The following XRCC4 variants were observed in gnomAD, a reference collection of about 807,000 sequenced individuals.
XRCC4 encodes the protein DNA repair protein XRCC4.
A neutral mutation model predicts 39.1 loss-of-function variants in XRCC4; 28 were observed. That is an observed-to-expected ratio of 0.72 (90% CI 0.53 to 0.98). The LOEUF (loss-of-function observed/expected upper bound fraction) is 0.98. XRCC4 is among the 50% of genes least tolerant of loss of function. The pLI, the probability that XRCC4 is intolerant of heterozygous loss-of-function variation, is 0.00. For missense variants in XRCC4, 350 were observed against 376.4 expected, an observed-to-expected ratio of 0.93 and a Z score of 0.58; for synonymous variants, 123 against 126.4, an observed-to-expected ratio of 0.97 and a Z score of 0.18.
chr5:83,258,391 A>C (rs775038063), intron 6 of XRCC4, 139 bp from the exon 7 acceptor site: 13 of 1,050,480 alleles, frequency 1.2e-5, no homozygotes, highest in Non-Finnish European at 1.6e-5. Flanking sequence ...TTGATTCAAC[A>C]AATCTGCATA....
intron 7 of XRCC4, among the ~76,000 whole-genome samples, chr5:83,261,720 C>A (rs186751329): frequency 6.6e-6 from 1 of 151,060 alleles, no homozygotes; most frequent in East Asian, 1.9e-4. Context: ...TGTAAGATCC[C>A]TCTCAATATT....
At chr5:83,093,973 T>G in intron 1 of XRCC4, among the ~76,000 whole-genome samples, 1 of 152,202 alleles carries the variant, frequency 6.6e-6, no homozygotes, top group East Asian at 2.0e-4. Flanking sequence ...AAGAAGTTTA[T>G]TGTTATTTTT....
chr5:83,336,616 G>T (rs1199025109), intron 7 of XRCC4, among the ~76,000 whole-genome samples: 1 of 152,108 alleles, frequency 6.6e-6, no homozygotes, highest in Non-Finnish European at 1.5e-5. Flanking sequence ...AGATATAAGA[G>T]ATTTAAATTG....
chr5:83,298,933 A>T (rs1755183145), intron 7 of XRCC4, among the ~76,000 whole-genome samples: 1 of 151,946 alleles, frequency 6.6e-6, no homozygotes, highest in Non-Finnish European at 1.5e-5. Context: ...AGTTTAATTA[A>T]TTCTGTCTGT....
intron 2 of XRCC4, among the ~76,000 whole-genome samples, chr5:83,108,433 C>T (rs747066790): frequency 3.3e-5 from 5 of 151,454 alleles, no homozygotes; most frequent in South Asian, 4.2e-4. Flanking sequence ...TTAAATATTC[C>T]GTAATAATCA....
At chr5:83,163,445 A>G (rs1237253775) in intron 3 of XRCC4, among the ~76,000 whole-genome samples, 3 of 152,228 alleles carry the variant, frequency 2.0e-5, no homozygotes, top group Non-Finnish European at 4.4e-5. Context: ...TTAGGAATTG[A>G]GCTTCATTAA....
chr5:83,101,370 T>C (rs1745927713), intron 1 of XRCC4, among the ~76,000 whole-genome samples: 1 of 152,106 alleles, frequency 6.6e-6, no homozygotes. Flanking sequence ...AACTAAGTAA[T>C]ATGTGTCATT....
intron 7 of XRCC4, among the ~76,000 whole-genome samples, chr5:83,281,242 C>A (rs763038181): frequency 2.0e-5 from 3 of 152,116 alleles, no homozygotes; most frequent in Non-Finnish European, 4.4e-5. Flanking sequence ...GATTTAAGCC[C>A]TTCTTACATA....
chr5:83,156,589 C>T (rs72767156), intron 3 of XRCC4, among the ~76,000 whole-genome samples: 10 of 151,874 alleles, frequency 6.6e-5, no homozygotes, highest in African/African-American at 9.7e-5. Context: ...CCTTCTTGGC[C>T]GAAGAGTACA....
intron 2 of XRCC4, 43 bp from the exon 3 acceptor site, chr5:83,110,985 C>T (rs753228236): frequency 1.3e-6 from 2 of 1,550,012 alleles, no homozygotes; most frequent in Non-Finnish European, 1.7e-6. Context: ...CATGTGTAGT[C>T]ATTTACTTTT....
intron 3 of XRCC4, among the ~76,000 whole-genome samples, chr5:83,135,048 A>G (rs1039250472): frequency 3.9e-5 from 6 of 152,214 alleles, no homozygotes; most frequent in African/African-American, 4.8e-5. Flanking sequence ...GAGGGTCCGC[A>G]GCTTCATTCT....
At chr5:83,225,862 T>C (rs1752267868) in intron 6 of XRCC4, among the ~76,000 whole-genome samples, 1 of 151,778 alleles carries the variant, frequency 6.6e-6, no homozygotes, top group South Asian at 2.1e-4. Flanking sequence ...GTCTAGGCCC[T>C]GGAAATGTTT....
chr5:83,208,675 G>GA (rs1163641235), intron 6 of XRCC4, among the ~76,000 whole-genome samples: 4 of 151,904 alleles, frequency 2.6e-5, no homozygotes, highest in Non-Finnish European at 5.9e-5. Context: ...GATGTAGCAT[G>GA]AAAAACCTCA....
At chr5:83,155,218 CTCATA>C (rs1314900752) in intron 3 of XRCC4, among the ~76,000 whole-genome samples, 30 of 152,158 alleles carry the variant, frequency 2.0e-4, no homozygotes, top group African/African-American at 6.8e-4. Flanking sequence ...TAGAAATACA[CTCATA>C]TCATGAGTGT....
At chr5:83,196,945 GCTGA>G (rs1031141787) in intron 4 of XRCC4, among the ~76,000 whole-genome samples, 2 of 151,552 alleles carry the variant, frequency 1.3e-5, no homozygotes, top group Non-Finnish European at 2.9e-5. Flanking sequence ...TGAAAATGAG[GCTGA>G]CTAAAAGATT....
intron 6 of XRCC4, among the ~76,000 whole-genome samples, chr5:83,221,559 T>C (rs1752083541): frequency 6.6e-6 from 1 of 152,054 alleles, no homozygotes; most frequent in East Asian, 1.9e-4. Flanking sequence ...ATGCCTTCAT[T>C]TTAATAAAAT....
chr5:83,187,689 A>G (rs901251538), intron 3 of XRCC4, among the ~76,000 whole-genome samples: 2 of 152,330 alleles, frequency 1.3e-5, no homozygotes, highest in African/African-American at 4.8e-5. Flanking sequence ...ATAGATCAAC[A>G]TTAATCTACA....
chr5:83,323,226 A>C (rs543486964), intron 7 of XRCC4, among the ~76,000 whole-genome samples: 191 of 152,248 alleles, frequency 1.3e-3, no homozygotes, highest in Non-Finnish European at 2.3e-3. Context: ...TTTGAAATGC[A>C]CAGTTTAAAT....
intron 7 of XRCC4, among the ~76,000 whole-genome samples, chr5:83,346,673 T>G (rs562698270): frequency 7.9e-5 from 12 of 152,276 alleles, no homozygotes; most frequent in Admixed American, 2.6e-4. Flanking sequence ...TCATAGTGTA[T>G]AATCAACAAG....
Sources: gnomAD v4.1 joint callset for allele counts (sites outside exome capture counted in the v4.1 genomes callset) on GRCh38, gnomAD v4.1.1 for gene constraint, MANE v1.5 for transcripts, NCBI Gene and HGNC (gene_info 2026-07-23, HGNC 2026-07-21) for gene names.